Variants in MSRA observed in about 807,000 individuals in gnomAD.
The protein encoded by MSRA is methionine sulfoxide reductase A.
In MSRA, 54 loss-of-function variants were observed where a neutral mutation model predicts 31.3. The observed-to-expected ratio is 1.73, with a 90% confidence interval of 1.39 to 2.17. The LOEUF (loss-of-function observed/expected upper bound fraction) is 2.17, where lower values mean the gene tolerates loss of function less well. Among genes scored for constraint, MSRA ranks in the 30% most tolerant of loss-of-function variants. MSRA has a pLI of 0.00. For synonymous variants in MSRA, 169 were observed against 116.5 expected (o/e 1.45, Z -2.90); for missense variants, 507 against 300.9 (o/e 1.69, Z -5.07).
intron 2 of MSRA, among the ~76,000 whole-genome samples, chr8:10,242,992 A>T (rs912963334): frequency 1.3e-5 from 2 of 152,164 alleles, no homozygotes; most frequent in Admixed American, 6.5e-5. Flanking sequence ...CTTGATCCCT[A>T]TTAAGCATTA....
In MSRA at chr8:10,187,353, G is replaced by T. The variant is rs370176607; in HGVS notation, c.143-20480G>T. On this transcript the variant is annotated intron_variant, in intron 1 of 5. Transcript: ENST00000317173. ...CACTATTTGTGGAATTTGGAAAGAA[G>T]CACAGGAAAGGAAATGGAGATTTAA... Among the ~76,000 whole-genome samples, 5 of 152,302 alleles carry T rather than the reference G, an allele frequency of 3.3e-5. 1 individual carries two copies. The South Asian group carries it at 8.3e-4, about 25-fold the overall frequency.
intron 2 of MSRA, among the ~76,000 whole-genome samples, chr8:10,230,509 C>G (rs923530467): frequency 6.6e-6 from 1 of 152,076 alleles, no homozygotes; most frequent in Non-Finnish European, 1.5e-5. Context: ...AATGCATGCT[C>G]ATTACAGAAA....
At chr8:10,319,052 T>C (rs900009399) in intron 4 of MSRA, among the ~76,000 whole-genome samples, 2 of 152,192 alleles carry the variant, frequency 1.3e-5, no homozygotes, top group African/African-American at 4.8e-5. Flanking sequence ...CACGTGAACT[T>C]ACCCACTCCC....
intron 1 of MSRA, among the ~76,000 whole-genome samples, chr8:10,057,045 C>T (rs1239681240): frequency 1.3e-5 from 2 of 152,210 alleles, no homozygotes; most frequent in African/African-American, 2.4e-5. Context: ...CCCTTTTACA[C>T]ACTGTGACCA....
chr8:10,363,663 AAC>A (rs1218860442), intron 5 of MSRA, among the ~76,000 whole-genome samples: 7 of 151,554 alleles, frequency 4.6e-5, no homozygotes, highest in Admixed American at 4.0e-4. Flanking sequence ...TGAAAGGAAG[AAC>A]ACACAGGGGT....
intron 5 of MSRA, among the ~76,000 whole-genome samples, chr8:10,420,618 C>G (rs530654397): frequency 6.6e-6 from 1 of 152,212 alleles, no homozygotes; most frequent in East Asian, 1.9e-4. Flanking sequence ...TGCAGAGTTA[C>G]TAACCCAGCC....
At chr8:10,345,340 A>G (rs918246313) in intron 5 of MSRA, among the ~76,000 whole-genome samples, 2 of 152,158 alleles carry the variant, frequency 1.3e-5, no homozygotes, top group Non-Finnish European at 2.9e-5. Context: ...CTAAGCATGT[A>G]AGGAGGGCCA....
intron 5 of MSRA, among the ~76,000 whole-genome samples, chr8:10,407,342 T>C (rs1490936190): frequency 2.0e-5 from 3 of 152,084 alleles, no homozygotes; most frequent in Non-Finnish European, 4.4e-5. Context: ...ATGACATGAG[T>C]CAGTAAGGGC....
At chr8:10,068,613 C>G (rs1353535650) in intron 1 of MSRA, among the ~76,000 whole-genome samples, 1 of 152,170 alleles carries the variant, frequency 6.6e-6, no homozygotes, top group Non-Finnish European at 1.5e-5. Context: ...GATGAGTTGA[C>G]CATATTTATG....
At chr8:10,204,682 G>A (rs1808788522) in intron 1 of MSRA, among the ~76,000 whole-genome samples, 1 of 152,152 alleles carries the variant, frequency 6.6e-6, no homozygotes. Flanking sequence ...AGATTTCCCT[G>A]AATATATCCC....
chr8:10,096,134 C>G, intron 1 of MSRA: 1 of 1,240,816 alleles, frequency 8.1e-7, no homozygotes, highest in Non-Finnish European at 1.1e-6. Flanking sequence ...TGCAGCCCAG[C>G]CAGGAAGTCA....
chr8:10,417,066 G>A (rs1442689343), intron 5 of MSRA, among the ~76,000 whole-genome samples: 1 of 152,222 alleles, frequency 6.6e-6, no homozygotes, highest in Non-Finnish European at 1.5e-5. Flanking sequence ...GAGCGCTGCA[G>A]CTGTACGAAG....
intron 1 of MSRA, among the ~76,000 whole-genome samples, chr8:10,164,336 T>C (rs1804931722): frequency 6.6e-6 from 1 of 152,164 alleles, no homozygotes; most frequent in South Asian, 2.1e-4. Flanking sequence ...GAGGGCTGCG[T>C]ATCGCCTGGG....
intron 1 of MSRA, among the ~76,000 whole-genome samples, chr8:10,115,647 C>A (rs953419147): frequency 1.3e-5 from 2 of 152,138 alleles, no homozygotes; most frequent in African/African-American, 4.8e-5. Context: ...AAGATTGATG[C>A]CATGAGCTGT....
At chr8:10,153,836 C>G (rs772363981) in intron 1 of MSRA, among the ~76,000 whole-genome samples, 1 of 152,214 alleles carries the variant, frequency 6.6e-6, no homozygotes, top group South Asian at 2.1e-4. Flanking sequence ...ATCTCATATT[C>G]TTAATTTCAA....
At chr8:10,225,444 AT>A (rs1464101963) in intron 2 of MSRA, among the ~76,000 whole-genome samples, 1 of 152,240 alleles carries the variant, frequency 6.6e-6, no homozygotes, top group Non-Finnish European at 1.5e-5. Flanking sequence ...CTAGTCTCAA[AT>A]ATAAGCCCTG....
At chr8:10,152,998 C>T (rs1220708757) in intron 1 of MSRA, among the ~76,000 whole-genome samples, 1 of 152,078 alleles carries the variant, frequency 6.6e-6, no homozygotes. Flanking sequence ...TTTCCAGGGG[C>T]TGAGGAGAAG....
chr8:10,066,892 A>G (rs2128915724), intron 1 of MSRA, among the ~76,000 whole-genome samples: 1 of 144,684 alleles, frequency 6.9e-6, no homozygotes, highest in Non-Finnish European at 1.5e-5. Flanking sequence ...TTTTTTTTCG[A>G]GCAGTTTTAG....
chr8:10,059,451 GT>G (rs1802582326), intron 1 of MSRA, among the ~76,000 whole-genome samples: 1 of 152,192 alleles, frequency 6.6e-6, no homozygotes, highest in South Asian at 2.1e-4. Flanking sequence ...AACGTAGTCA[GT>G]TTGGCTATAG....
Sources: allele counts gnomAD v4.1 joint callset (sites outside exome capture counted in the v4.1 genomes callset), GRCh38; gene constraint gnomAD v4.1.1; transcripts MANE v1.5; gene names NCBI Gene and HGNC (gene_info 2026-07-23, HGNC 2026-07-21).